The following CATSPER4 variants were observed in gnomAD, a reference collection of about 807,000 sequenced individuals.
CATSPER4 encodes the protein cation channel sperm-associated protein 4.
In CATSPER4, 46 loss-of-function variants were observed where a neutral mutation model predicts 54.4. That is an observed-to-expected ratio of 0.84 (90% CI 0.67 to 1.08). The LOEUF (loss-of-function observed/expected upper bound fraction) is 1.08, where lower values mean the gene tolerates loss of function less well. Ranked by LOEUF, CATSPER4 falls within the 50% of genes least tolerant of loss-of-function variation. The pLI is 0.00. For missense variants in CATSPER4, 574 were observed against 612.8 expected, an observed-to-expected ratio of 0.94 and a Z score of 0.67; for synonymous variants, 230 against 231.9, an observed-to-expected ratio of 0.99 and a Z score of 0.08.
chr1:26,199,972 C>T lies in CATSPER4; in HGVS notation c.901C>T (p.Leu301=). 1 of 1,614,092 alleles carries T rather than the reference C, an allele frequency of 6.2e-7. No homozygotes were observed. The highest frequency in any genetic ancestry group is 8.5e-7 in the Non-Finnish European group (1 of 1,179,996). Reference sequence around the variant, plus strand: ...CATCGGTGCCTTCATTGGCATCAACCTGTTCGTCATCGTGGTGACCACCAA... The same window carrying T: ...CATCGGTGCCTTCATTGGCATCAACTTGTTCGTCATCGTGGTGACCACCAA... ...ITIGAFIGIN[L]FVIVVTTNLE... The change falls in exon 7 of 10, where the codon CTG becomes TTG. Residue 301 remains leucine, a synonymous_variant. Coordinates refer to ENST00000456354, the MANE Select transcript of CATSPER4 (RefSeq NM_198137.2).
At chr1:26,192,129 C>CTTT (rs1189162445) in intron 2 of CATSPER4, among the ~76,000 whole-genome samples, 1 of 139,700 alleles carries the variant, frequency 7.2e-6, no homozygotes, top group Non-Finnish European at 1.6e-5. Context: ...GTTTTAATTT[C>CTTT]TTTTTTTTTT....
At chr1:26,194,018 C>G (rs1418751644) in intron 3 of CATSPER4, 130 bp downstream of exon 3, 1 of 745,010 alleles carries the variant, frequency 1.3e-6, no homozygotes, top group Non-Finnish European at 2.5e-6. Flanking sequence ...TGTGTTAGTT[C>G]AGAGATGTGT....
chr1:26,202,476 T>C lies in CATSPER4; in HGVS notation c.1366-13T>C. 1 of 1,610,568 alleles carries C rather than the reference T, an allele frequency of 6.2e-7. No individual in the cohort carries two copies. Among genetic ancestry groups the C allele is most frequent in the African/African-American group, 1.3e-5 (1 of 74,960 alleles). ...GGAGTGGGGGATTAACAAGAAGACC[T>C]CTTGGTTTGCAGGTTCATGACTCTA... On this transcript the variant is annotated splice_polypyrimidine_tract_variant and intron_variant, in intron 9 of 9. Transcript: ENST00000456354.
chr1:26,201,649 C>T (rs1488960630), intron 9 of CATSPER4, 130 bp downstream of exon 9: 2 of 796,060 alleles, frequency 2.5e-6, no homozygotes, highest in Non-Finnish European at 4.2e-6. Context: ...ACCACCACCA[C>T]CCCTCCTTTT....
At chr1:26,201,694 T>TTTG in intron 9 of CATSPER4, 175 bp downstream of exon 9, 1 of 530,852 alleles carries the variant, frequency 1.9e-6, no homozygotes, top group Non-Finnish European at 3.3e-6. Flanking sequence ...TCTTTCCTTT[T>TTTG]TTTTTTTTTT....
intron 2 of CATSPER4, among the ~76,000 whole-genome samples, chr1:26,192,835 T>G (rs2088887291): frequency 6.6e-6 from 1 of 151,942 alleles, no homozygotes; most frequent in African/African-American, 2.4e-5. Context: ...CACTTTGGGG[T>G]AAAGCGCACT....
intron 3 of CATSPER4, among the ~76,000 whole-genome samples, chr1:26,197,034 A>G (rs1228718779): frequency 6.6e-6 from 1 of 151,520 alleles, no homozygotes; most frequent in Non-Finnish European, 1.5e-5. Flanking sequence ...CAGCCTCCCA[A>G]GTAGCTGGGA....
intron 4 of CATSPER4, 21 bp from the exon 5 acceptor site, chr1:26,197,936 C>A (rs761700667): frequency 7.7e-5 from 124 of 1,612,252 alleles, no homozygotes; most frequent in Non-Finnish European, 9.7e-5. Context: ...CTAGGGGCAC[C>A]CCTGACAGGC....
At position 26,202,608 on chromosome 1, in the gene CATSPER4, T is replaced by C; in HGVS notation, c.*66T>C. ...CAGCCGCTGCGTCTTCCTGTGTCCTTAGTGTGGCTTGGCAGAGCCTGGCCA... is the reference window on the plus strand; with the variant it reads ...CAGCCGCTGCGTCTTCCTGTGTCCTCAGTGTGGCTTGGCAGAGCCTGGCCA... On this transcript the variant is annotated 3_prime_UTR_variant, in exon 10 of 10. Coordinates refer to ENST00000456354, the MANE Select transcript of CATSPER4 (RefSeq NM_198137.2). 6.8e-7 allele frequency: 1 copy of C among 1,469,376 alleles called. No individual in the cohort carries two copies. The highest frequency in any genetic ancestry group is 9.4e-7 in the Non-Finnish European group (1 of 1,063,690). The allele number at this position is 1,469,376 out of a possible 1,614,324, so 91.0% of individuals were successfully genotyped here. A position where few individuals can be genotyped will look rare whatever the true frequency, so the allele number is the denominator to read the frequency against.
intron 7 of CATSPER4, among the ~76,000 whole-genome samples, chr1:26,200,417 G>A (rs911702462): frequency 1.3e-5 from 2 of 152,108 alleles, no homozygotes; most frequent in Non-Finnish European, 2.9e-5. Flanking sequence ...AGTGCTTGGC[G>A]CATAGTAAGC....
In CATSPER4 at chr1:26,201,438, G is replaced by T; in HGVS notation, c.1284G>T (p.Ser428=). Residue 428 remains serine (S), a synonymous_variant, in exon 9 of 10, where the codon TCG becomes TCT. Transcript: ENST00000456354. Reference sequence around the variant, plus strand: ...ACAGGCGCTCGTCGACGAGCGGGTCGTTGGAGACTACGTCATCCAAGGACA... The same window carrying T: ...ACAGGCGCTCGTCGACGAGCGGGTCTTTGGAGACTACGTCATCCAAGGACA... ...VLNRRSSTSG[S]LETTSSKDIR... 6.2e-7 allele frequency: 1 copy of T among 1,613,910 alleles called. No individual in the cohort carries two copies. Among genetic ancestry groups the T allele is most frequent in the Non-Finnish European group, 8.5e-7 (1 of 1,179,798 alleles).
chr1:26,194,571 A>C (rs980365134), intron 3 of CATSPER4, among the ~76,000 whole-genome samples: 1 of 152,148 alleles, frequency 6.6e-6, no homozygotes, highest in Non-Finnish European at 1.5e-5. Flanking sequence ...TCCTCAAAAT[A>C]GTCTGTGAGC....
intron 6 of CATSPER4, among the ~76,000 whole-genome samples, chr1:26,199,506 G>A (rs2088981257): frequency 6.6e-6 from 1 of 150,744 alleles, no homozygotes; most frequent in Admixed American, 6.6e-5. Flanking sequence ...GGCTGAGGCG[G>A]GAGAACGACA....
chr1:26,202,405 C>T, intron 9 of CATSPER4, 84 bp from the exon 10 acceptor site: 2 of 1,226,572 alleles, frequency 1.6e-6, no homozygotes, highest in African/African-American at 1.5e-5. Flanking sequence ...GCTGGGGAAG[C>T]TGGTGAGACT....
intron 3 of CATSPER4, 24 bp downstream of exon 3, chr1:26,193,912 C>T: frequency 6.5e-7 from 1 of 1,543,106 alleles, no homozygotes; most frequent in Non-Finnish European, 9.0e-7. Context: ...CCCTTTGCCC[C>T]TACTTCCCCC....
intron 5 of CATSPER4, 85 bp from the exon 6 acceptor site, chr1:26,198,201 A>G (rs2124527638): frequency 1.2e-6 from 2 of 1,613,578 alleles, no homozygotes; most frequent in Non-Finnish European, 1.7e-6. Flanking sequence ...TGATTTCCTC[A>G]GCAGCGTTCA....
chr1:26,198,143 TA>T (rs1557631459), intron 5 of CATSPER4, 66 bp downstream of exon 5: 6 of 1,613,914 alleles, frequency 3.7e-6, no homozygotes, highest in Non-Finnish European at 4.2e-6. Context: ...TCATTGCAAA[TA>T]GAGGGGTGTC....
rs1407622833 is a variant in CATSPER4 at position 26,200,943 on chromosome 1, G to A, written c.1101G>A (p.Ser367=). 7.4e-6 allele frequency: 12 copies of A among 1,613,942 alleles called. No individual in the cohort carries two copies. The highest frequency in any genetic ancestry group is 6.7e-5 in the East Asian group (3 of 44,864). ...LQEPLAGGPL[S]NLSENTCDNF... The stretch of plus-strand genomic sequence containing the variant: ...AACCCCTTGCGGGAGGCCCCCTGTC[G>A]AACCTCTCAGAAAACACGTGTGACA... Residue 367 remains serine, a synonymous_variant, in exon 8 of 10, where the codon TCG becomes TCA. Transcript: ENST00000456354.
chr1:26,191,191 G>C, intron 1 of CATSPER4, 96 bp from the exon 2 acceptor site: 1 of 1,444,766 alleles, frequency 6.9e-7, no homozygotes, highest in Non-Finnish European at 9.5e-7. Flanking sequence ...CCCCTCTAGA[G>C]TGGGCCCCAG....
Sources: gnomAD v4.1 joint callset for allele counts (sites outside exome capture counted in the v4.1 genomes callset) on GRCh38, gnomAD v4.1.1 for gene constraint, MANE v1.5 for transcripts, NCBI Gene and HGNC (gene_info 2026-07-23, HGNC 2026-07-21) for gene names.